Variants in AUTS2 observed in about 807,000 individuals in gnomAD.
AUTS2 encodes autism susceptibility gene 2 protein.
A neutral mutation model predicts 112.4 loss-of-function variants in AUTS2; 17 were observed. The ratio of observed to expected loss-of-function variants is 0.15; its 90% CI spans 0.10 to 0.23. The LOEUF is 0.23. AUTS2 is among the 10% of genes least tolerant of loss of function. The pLI is 1.00. For synonymous variants in AUTS2, 751 were observed against 702.7 expected (o/e 1.07, Z -1.09); for missense variants, 1,510 against 1,701.6 (o/e 0.89, Z 1.98).
chr7:69,817,793 C>T (rs970809785), intron 1 of AUTS2, among the ~76,000 whole-genome samples: 2 of 152,166 alleles, frequency 1.3e-5, no homozygotes, highest in African/African-American at 4.8e-5. Context: ...GTGCTGTCCC[C>T]TCCTGCATGA....
At chr7:70,767,020 T>TC in intron 9 of AUTS2, among the ~76,000 whole-genome samples, 1 of 152,288 alleles carries the variant, frequency 6.6e-6, no homozygotes, top group East Asian at 1.9e-4. Flanking sequence ...GAGGAATTTT[T>TC]TTTTAAGTTA....
intron 1 of AUTS2, among the ~76,000 whole-genome samples, chr7:69,884,356 C>A (rs1425000108): frequency 6.6e-6 from 1 of 152,182 alleles, no homozygotes; most frequent in African/African-American, 2.4e-5. Context: ...TTTCTCAAAT[C>A]AGACATCCCT....
intron 4 of AUTS2, among the ~76,000 whole-genome samples, chr7:70,171,306 C>T (rs988719889): frequency 1.3e-5 from 2 of 152,108 alleles, no homozygotes; most frequent in African/African-American, 4.8e-5. Context: ...CGAATTCTTC[C>T]CCTTTTTCTG....
At chr7:70,390,549 A>T (rs1793805045) in intron 4 of AUTS2, among the ~76,000 whole-genome samples, 1 of 152,106 alleles carries the variant, frequency 6.6e-6, no homozygotes, top group Non-Finnish European at 1.5e-5. Context: ...GGTGTGCAAA[A>T]GAACACTCAG....
At chr7:70,369,551 G>A (rs1333720207) in intron 4 of AUTS2, among the ~76,000 whole-genome samples, 1 of 152,160 alleles carries the variant, frequency 6.6e-6, no homozygotes, top group Non-Finnish European at 1.5e-5. Context: ...CCAATGGTGG[G>A]AGTGAAAATG....
At chr7:69,792,610 G>A (rs1036016409) in intron 1 of AUTS2, among the ~76,000 whole-genome samples, 2 of 152,102 alleles carry the variant, frequency 1.3e-5, no homozygotes, top group Non-Finnish European at 1.5e-5. Flanking sequence ...CTTTCTCTGT[G>A]CACATATACT....
At chr7:70,151,363 A>G (rs1807429316) in intron 4 of AUTS2, among the ~76,000 whole-genome samples, 1 of 152,188 alleles carries the variant, frequency 6.6e-6, no homozygotes, top group South Asian at 2.1e-4. Flanking sequence ...GCAGGATTGG[A>G]AAAACCACTA....
intron 6 of AUTS2, among the ~76,000 whole-genome samples, chr7:70,736,847 G>A (rs1337069457): frequency 3.3e-5 from 5 of 152,182 alleles, no homozygotes; most frequent in Admixed American, 1.3e-4. Context: ...CAGACATAGC[G>A]TAGACGGATT....
At chr7:69,811,791 T>C (rs953459191) in intron 1 of AUTS2, among the ~76,000 whole-genome samples, 2 of 152,202 alleles carry the variant, frequency 1.3e-5, no homozygotes, top group African/African-American at 4.8e-5. Flanking sequence ...ATAGCTCTTA[T>C]CACAGTCTGC....
chr7:70,721,754 T>C (rs955824265), intron 6 of AUTS2, among the ~76,000 whole-genome samples: 52 of 152,194 alleles, frequency 3.4e-4, no homozygotes, highest in African/African-American at 9.9e-4. Context: ...TGTAGAAATG[T>C]TGAAAGAACA....
chr7:70,471,057 T>C (rs1223969253), intron 5 of AUTS2, among the ~76,000 whole-genome samples: 1 of 152,176 alleles, frequency 6.6e-6, no homozygotes, highest in Non-Finnish European at 1.5e-5. Context: ...CTGGGACAGT[T>C]AGAGTTATGC....
intron 4 of AUTS2, among the ~76,000 whole-genome samples, chr7:70,243,538 G>A (rs1292609929): frequency 6.6e-6 from 1 of 152,036 alleles, no homozygotes; most frequent in Non-Finnish European, 1.5e-5. Flanking sequence ...TCTTTACTAT[G>A]TACCTTATAA....
chr7:70,408,937 C>G (rs1316339849), intron 4 of AUTS2, among the ~76,000 whole-genome samples: 1 of 152,194 alleles, frequency 6.6e-6, no homozygotes, highest in Admixed American at 6.5e-5. Context: ...TCTACTGTCT[C>G]TAGATGATTC....
chr7:69,623,479 G>T (rs1023393981), intron 1 of AUTS2, among the ~76,000 whole-genome samples: 5 of 146,828 alleles, frequency 3.4e-5, no homozygotes, highest in African/African-American at 1.3e-4. Flanking sequence ...GAATCTAGCT[G>T]CCTGGGCCTC....
chr7:69,870,463 A>ATATATATATATATATATATATATATG (rs1291290430), intron 1 of AUTS2, among the ~76,000 whole-genome samples: 68 of 141,470 alleles, frequency 4.8e-4, no homozygotes, highest in Non-Finnish European at 9.0e-4. Context: ...ATATATATAT[A>ATATATATATATATATATATATATATG]TATGTATTCA....
intron 1 of AUTS2, among the ~76,000 whole-genome samples, chr7:69,750,783 A>G (rs1163477158): frequency 1.3e-5 from 2 of 152,120 alleles, no homozygotes; most frequent in Admixed American, 1.3e-4. Flanking sequence ...TGGTGGTCTT[A>G]GCTTCATTTC....
intron 1 of AUTS2, among the ~76,000 whole-genome samples, chr7:69,793,786 AT>A (rs1158337965): frequency 1.3e-5 from 2 of 152,228 alleles, no homozygotes; most frequent in African/African-American, 4.8e-5. Flanking sequence ...ATGTTTAAAC[AT>A]TTTTAAAGCT....
At chr7:70,423,779 T>C (rs1264867585) in intron 4 of AUTS2, among the ~76,000 whole-genome samples, 1 of 152,218 alleles carries the variant, frequency 6.6e-6, no homozygotes, top group Non-Finnish European at 1.5e-5. Context: ...GAGGGAATGA[T>C]GGTTTCTGGT....
chr7:69,697,245 T>TA (rs1246491191), intron 1 of AUTS2, among the ~76,000 whole-genome samples: 4 of 152,078 alleles, frequency 2.6e-5, no homozygotes, highest in Non-Finnish European at 5.9e-5. Flanking sequence ...ATGTAGATCT[T>TA]ATGTTCCTCT....
Sources: allele counts gnomAD v4.1 joint callset (sites outside exome capture counted in the v4.1 genomes callset), GRCh38; gene constraint gnomAD v4.1.1; transcripts MANE v1.5; gene names NCBI Gene and HGNC (gene_info 2026-07-23, HGNC 2026-07-21).